ARHGAP31: variants seen among roughly 807,000 people sequenced by gnomAD.
The protein encoded by ARHGAP31 is rho GTPase-activating protein 31.
A neutral mutation model predicts 113.9 loss-of-function variants in ARHGAP31; 34 were observed. That is an observed-to-expected ratio of 0.30 (90% CI 0.23 to 0.40). The LOEUF is 0.40. Among genes scored for constraint, ARHGAP31 ranks in the 10% least tolerant of loss-of-function variants. The pLI, the probability that ARHGAP31 is intolerant of heterozygous loss-of-function variation, is 1.00. For synonymous variants in ARHGAP31, 650 were observed against 684.8 expected (o/e 0.95, Z 0.79); for missense variants, 1,548 against 1,767.1 (o/e 0.88, Z 2.22).
intron 1 of ARHGAP31, among the ~76,000 whole-genome samples, chr3:119,330,150 G>A (rs2079880293): frequency 6.6e-6 from 1 of 152,224 alleles, no homozygotes; most frequent in African/African-American, 2.4e-5. Context: ...GAAGCTCAAA[G>A]GCAGGAGCTG....
In ARHGAP31 at chr3:119,373,711, G is replaced by A. The variant is rs550114950; in HGVS notation, c.348+5195G>A. 7.2e-5 allele frequency among the ~76,000 whole-genome samples: 11 copies of A among 152,138 alleles called. No homozygotes were observed. In the South Asian group the frequency reaches 2.3e-3, roughly 32 times the overall value. On this transcript the variant is annotated intron_variant, in intron 3 of 11. Transcript: ENST00000264245. ...ACTCCTGACCTCAGGTGATCCACCT[G>A]CCTCGGCCTCCCAAAGTGCTGGGAT...
intron 1 of ARHGAP31, among the ~76,000 whole-genome samples, chr3:119,348,662 A>G (rs1488998326): frequency 1.3e-5 from 2 of 152,224 alleles, no homozygotes; most frequent in Non-Finnish European, 2.9e-5. Flanking sequence ...GATTACTTAT[A>G]TCTAATACAA....
intron 10 of ARHGAP31, among the ~76,000 whole-genome samples, chr3:119,406,386 A>G (rs2080661005): frequency 6.6e-6 from 1 of 152,234 alleles, no homozygotes. Flanking sequence ...CTTTCACCCA[A>G]AAGTTTCACT....
chr3:119,377,276 A>G (rs2080357697), intron 3 of ARHGAP31, among the ~76,000 whole-genome samples: 1 of 152,216 alleles, frequency 6.6e-6, no homozygotes, highest in South Asian at 2.1e-4. Flanking sequence ...CAAATGTAAG[A>G]CATAGATCTA....
At chr3:119,312,624 A>AAAC (rs778978172) in intron 1 of ARHGAP31, among the ~76,000 whole-genome samples, 6 of 152,338 alleles carry the variant, frequency 3.9e-5, no homozygotes, top group East Asian at 3.9e-4. Flanking sequence ...CAATTGTTAA[A>AAAC]AACAACAACA....
intron 1 of ARHGAP31, among the ~76,000 whole-genome samples, chr3:119,320,043 A>G (rs6785727): frequency 0.39 from 59,476 of 152,078 alleles, 11,844 homozygotes; most frequent in Non-Finnish European, 0.41. Context: ...CATCTACCCC[A>G]CAGAGAGTCC....
At chr3:119,351,806 A>G (rs947137123) in intron 1 of ARHGAP31, among the ~76,000 whole-genome samples, 1 of 152,172 alleles carries the variant, frequency 6.6e-6, no homozygotes, top group African/African-American at 2.4e-5. Flanking sequence ...CTCTGTATCC[A>G]TTAGCACTTA....
intron 3 of ARHGAP31, among the ~76,000 whole-genome samples, chr3:119,377,458 G>A (rs1267381515): frequency 5.9e-4 from 90 of 152,306 alleles, no homozygotes; most frequent in Non-Finnish European, 5.9e-5. Flanking sequence ...GGGAAAACAG[G>A]GTGCCAAGAA....
chr3:119,346,904 G>T (rs1021345472), intron 1 of ARHGAP31, among the ~76,000 whole-genome samples: 2 of 152,194 alleles, frequency 1.3e-5, no homozygotes, highest in Admixed American at 6.5e-5. Flanking sequence ...TGCTGAATCA[G>T]GCAGGTTCAA....
chr3:119,387,202 TCCCAGACGC>T, intron 6 of ARHGAP31, among the ~76,000 whole-genome samples: 1 of 152,210 alleles, frequency 6.6e-6, no homozygotes, highest in Non-Finnish European at 1.5e-5. Flanking sequence ...ACGGGCGTCT[TCCCAGACGC>T]TGGCTTCACC....
At chr3:119,357,984 A>G (rs75108355) in intron 1 of ARHGAP31, among the ~76,000 whole-genome samples, 10,863 of 152,330 alleles carry the variant, frequency 0.071, 495 homozygotes, top group South Asian at 0.1. Context: ...TCCTGATACA[A>G]AAAGCACAAG....
intron 1 of ARHGAP31, among the ~76,000 whole-genome samples, chr3:119,318,261 C>A (rs1247696036): frequency 6.6e-6 from 1 of 152,156 alleles, no homozygotes; most frequent in Non-Finnish European, 1.5e-5. Flanking sequence ...AAGATCGAGA[C>A]CCTGTCTCAA....
At chr3:119,408,671 A>G (rs2080686929) in intron 10 of ARHGAP31, among the ~76,000 whole-genome samples, 1 of 152,244 alleles carries the variant, frequency 6.6e-6, no homozygotes, top group Non-Finnish European at 1.5e-5. Context: ...TGTAAATGGT[A>G]ATTTTTCTTA....
chr3:119,373,132 C>G (rs2080316603), intron 3 of ARHGAP31, among the ~76,000 whole-genome samples: 1 of 152,050 alleles, frequency 6.6e-6, no homozygotes, highest in Admixed American at 6.5e-5. Context: ...TACATATAAA[C>G]TATTTTTCTT....
intron 3 of ARHGAP31, among the ~76,000 whole-genome samples, chr3:119,379,176 A>C (rs973370398): frequency 1.3e-5 from 2 of 152,138 alleles, no homozygotes; most frequent in African/African-American, 4.8e-5. Context: ...TTCTGGACAC[A>C]GGGATTCATC....
Position 119,314,111 on chromosome 3 carries a change from C to G in ARHGAP31, c.100+19107C>G, listed in dbSNP as rs1362759646. On this transcript the variant is annotated intron_variant, in intron 1 of 11. Transcript: ENST00000264245. ...GACCAGAGCATTATCCCTGGCCACA[C>G]TCTACTTCTCGCAGTTCCTCAAAAG... Among the ~76,000 whole-genome samples the G allele has an allele frequency of 2.0e-5, 3 of 152,144 alleles. No homozygotes were observed. In the East Asian group the frequency reaches 5.8e-4, roughly 29 times the overall value.
chr3:119,406,213 G>A (rs2080659211), intron 10 of ARHGAP31, among the ~76,000 whole-genome samples: 1 of 152,148 alleles, frequency 6.6e-6, no homozygotes, highest in African/African-American at 2.4e-5. Context: ...CAAACTCATG[G>A]TTAGCACGGG....
At chr3:119,378,913 G>C (rs2080372176) in intron 3 of ARHGAP31, among the ~76,000 whole-genome samples, 1 of 152,208 alleles carries the variant, frequency 6.6e-6, no homozygotes, top group Non-Finnish European at 1.5e-5. Flanking sequence ...AGGCTGGCCT[G>C]TTCTCAGGCT....
chr3:119,338,667 A>G (rs2079980051), intron 1 of ARHGAP31, among the ~76,000 whole-genome samples: 1 of 152,234 alleles, frequency 6.6e-6, no homozygotes, highest in African/African-American at 2.4e-5. Context: ...AAGCTAAAAA[A>G]TAGAATTTTA....
Sources: gnomAD v4.1 joint callset for allele counts (sites outside exome capture counted in the v4.1 genomes callset) on GRCh38, gnomAD v4.1.1 for gene constraint, MANE v1.5 for transcripts, NCBI Gene and HGNC (gene_info 2026-07-23, HGNC 2026-07-21) for gene names.